The following COL12A1 variants were observed in gnomAD, a reference collection of about 807,000 sequenced individuals.
The protein encoded by COL12A1 is collagen alpha-1(XII) chain.
COL12A1 carries 114 observed loss-of-function variants against 349.7 expected under a neutral mutation model. The observed-to-expected ratio is 0.33, with a 90% CI of 0.28 to 0.38. The LOEUF is 0.38. COL12A1 is among the 10% of genes least tolerant of loss of function. COL12A1 has a pLI of 1.00. For missense variants in COL12A1, 3,284 were observed against 3,756.9 expected, an observed-to-expected ratio of 0.87 and a Z score of 3.29; for synonymous variants, 1,369 against 1,329.0, an observed-to-expected ratio of 1.03 and a Z score of -0.66.
intron 54 of COL12A1, among the ~76,000 whole-genome samples, chr6:75,104,642 T>C (rs1412609724): frequency 6.6e-6 from 1 of 152,210 alleles, no homozygotes; most frequent in Non-Finnish European, 1.5e-5. Flanking sequence ...CAATCTTCAA[T>C]GTTTTGCCTT....
At position 75,102,590 on chromosome 6, in the gene COL12A1, T is replaced by C; in HGVS notation, c.8415+7A>G. On this transcript the variant is annotated splice_region_variant and intron_variant, in intron 56 of 65. Transcript: ENST00000322507. ...TCTCATTTAATACAGAAAGGCTTTG[T>C]GCTTACTTGCTCTCCCGGAATAGAG... The C allele has an allele frequency of 6.6e-7, 1 of 1,523,858 alleles. No individual in the cohort carries two copies. The highest frequency in any genetic ancestry group is 1.3e-5 in the South Asian group (1 of 77,166). 94.4% of individuals were successfully genotyped at this position (1,523,858 alleles called of 1,614,324 possible). A position where few individuals can be genotyped will look rare whatever the true frequency, so the allele number is the denominator to read the frequency against.
chr6:75,202,243 A>G (rs1019002499), intron 2 of COL12A1, among the ~76,000 whole-genome samples: 9 of 152,212 alleles, frequency 5.9e-5, no homozygotes, highest in African/African-American at 2.2e-4. Flanking sequence ...ACAGAGGCGC[A>G]GAGCCAGCGC....
Position 75,119,117 on chromosome 6 carries a change from T to C in COL12A1, c.7280A>G (p.Lys2427Arg). The C allele has an allele frequency of 6.2e-7, 1 of 1,613,978 alleles. No individual in the cohort carries two copies. The highest frequency in any genetic ancestry group is 8.5e-7 in the Non-Finnish European group (1 of 1,179,906). The change falls in exon 46 of 66, where the codon AAG becomes AGG. Residue 2427 changes from lysine to arginine, a missense_variant. This residue lies in a region of COL12A1 where 683 missense variants were observed against 932.1 expected (regional missense o/e 0.73). Transcript: ENST00000322507. ...ACCGTCCGTGACCACAACCAACACC[T>C]TAGGGACATTCTTCCTCATGCCGCT... ...WESGMRKNVP[K>R]VLVVVTDGRS...
chr6:75,163,970 G>A (rs1225401802), intron 14 of COL12A1, among the ~76,000 whole-genome samples: 2 of 152,094 alleles, frequency 1.3e-5, no homozygotes, highest in African/African-American at 4.8e-5. Context: ...AACTGTATCT[G>A]TACTCCTACA....
At chr6:75,101,400 C>G (rs1315656122) in intron 58 of COL12A1, among the ~76,000 whole-genome samples, 200 bp downstream of exon 58, 15 of 152,180 alleles carry the variant, frequency 9.9e-5, no homozygotes, top group Admixed American at 8.5e-4. Flanking sequence ...AAAGACTCCC[C>G]TGGAGTCCCA....
chr6:75,133,443 A>T, intron 33 of COL12A1, 21 bp from the exon 34 acceptor site: 2 of 1,594,678 alleles, frequency 1.3e-6, no homozygotes, highest in Non-Finnish European at 1.7e-6. Context: ...TAATAAAACA[A>T]AAAGCATTGA....
intron 1 of COL12A1, among the ~76,000 whole-genome samples, chr6:75,204,714 T>C (rs112419597): frequency 0.012 from 1,892 of 152,066 alleles, 19 homozygotes; most frequent in Non-Finnish European, 0.021. Flanking sequence ...TTCTGCCAAC[T>C]CGCCCCCTCC....
At chr6:75,148,855 A>G (rs992085428) in intron 21 of COL12A1, among the ~76,000 whole-genome samples, 1 of 152,178 alleles carries the variant, frequency 6.6e-6, no homozygotes, top group Non-Finnish European at 1.5e-5. Flanking sequence ...TGTAGCTCCC[A>G]TAAGTCCCAA....
intron 21 of COL12A1, among the ~76,000 whole-genome samples, chr6:75,148,844 T>C (rs971893945): frequency 3.9e-5 from 6 of 152,180 alleles, no homozygotes; most frequent in Non-Finnish European, 8.8e-5. Flanking sequence ...TCATCTTGAA[T>C]TGTAGCTCCC....
At chr6:75,101,816 A>G (rs1206643335) in intron 57 of COL12A1, 163 bp from the exon 58 acceptor site, 1 of 951,330 alleles carries the variant, frequency 1.1e-6, no homozygotes, top group African/African-American at 1.6e-5. Flanking sequence ...TGCTCAGTCA[A>G]CAAGCAGATA....
At chr6:75,107,893 A>C (rs528432008) in intron 52 of COL12A1, among the ~76,000 whole-genome samples, 5 of 152,334 alleles carry the variant, frequency 3.3e-5, no homozygotes, top group African/African-American at 1.2e-4. Context: ...TCAAAATTCT[A>C]TTACATTTGA....
chr6:75,151,796 C>T, intron 20 of COL12A1, 71 bp downstream of exon 20: 3 of 1,455,236 alleles, frequency 2.1e-6, no homozygotes, highest in Non-Finnish European at 2.8e-6. Context: ...TCAGATAAAA[C>T]TTCTAACTAC....
rs541157306 is a variant in COL12A1 at position 75,102,712 on chromosome 6, G to GAC, written c.8320-22_8320-21dup. ...GGGCCCCTAAAATACACAAGAGAGAGACAACCACAAAGTAATGTAATACCT... is the reference window on the plus strand; with the variant it reads ...GGGCCCCTAAAATACACAAGAGAGAGACACAACCACAAAGTAATGTAATACCT... On this transcript the variant is annotated intron_variant, in intron 55 of 65. Transcript: ENST00000322507. 1.3e-4 allele frequency: 193 copies of GAC among 1,492,488 alleles called. 4 individuals are homozygous for GAC. The South Asian group carries it at 2.5e-3, about 20-fold the overall frequency. The allele number at this position is 1,492,488 out of a possible 1,614,324, so 92.5% of individuals were successfully genotyped here.
At chr6:75,115,301 A>G (rs1769022915) in intron 49 of COL12A1, among the ~76,000 whole-genome samples, 1 of 152,176 alleles carries the variant, frequency 6.6e-6, no homozygotes, top group Admixed American at 6.6e-5. Flanking sequence ...GTAAAATAAC[A>G]TCTACAGCTA....
chr6:75,148,288 C>A, intron 22 of COL12A1, 70 bp downstream of exon 22: 1 of 1,469,282 alleles, frequency 6.8e-7, no homozygotes, highest in Non-Finnish European at 9.3e-7. Flanking sequence ...TAACATTATT[C>A]TCAGAGTCCT....
At chr6:75,163,406 G>A (rs1429919151) in intron 14 of COL12A1, among the ~76,000 whole-genome samples, 2 of 152,062 alleles carry the variant, frequency 1.3e-5, no homozygotes, top group Non-Finnish European at 1.5e-5. Context: ...GCATACTAAT[G>A]CAAGAACAGA....
At chr6:75,133,587 T>A (rs1312218213) in intron 33 of COL12A1, among the ~76,000 whole-genome samples, 165 bp from the exon 34 acceptor site, 2 of 152,224 alleles carry the variant, frequency 1.3e-5, no homozygotes, top group East Asian at 3.9e-4. Flanking sequence ...GGTTACATAT[T>A]TCCCTATACC....
rs1767181562 is a variant in COL12A1, at chr6:75,146,157, C to T, written c.4505G>A (p.Gly1502Asp). ...VQWQPVGGAT[G>D]YILSYKPVKD... is the part of the protein sequence containing the mutation. ...AACAGGTTTGTATGACAAGATGTAG[C>T]CAGTAGCTCCTCCCACAGGCTGCCA... The change falls in exon 24 of 66, where the codon GGC becomes GAC. Residue 1502 changes from glycine to aspartate, a missense_variant. Coordinates refer to ENST00000322507, the MANE Select transcript of COL12A1 (RefSeq NM_004370.6). 1.2e-6 allele frequency: 2 copies of T among 1,613,334 alleles called. No homozygotes were observed. The highest frequency in any genetic ancestry group is 1.7e-5 in the Admixed American group (1 of 59,896).
chr6:75,097,851 G>A (rs1768128311), intron 58 of COL12A1, among the ~76,000 whole-genome samples: 1 of 152,064 alleles, frequency 6.6e-6, no homozygotes, highest in South Asian at 2.1e-4. Flanking sequence ...CCTTTGGTGC[G>A]TTCTCTGCAC....
Sources: allele counts gnomAD v4.1 joint callset (sites outside exome capture counted in the v4.1 genomes callset), GRCh38; gene constraint gnomAD v4.1.1; regional missense constraint gnomAD v4.1.1; transcripts MANE v1.5; gene names NCBI Gene and HGNC (gene_info 2026-07-23, HGNC 2026-07-21).